The following EDIL3 variants were observed in gnomAD, a reference collection of about 807,000 sequenced individuals.
The protein encoded by EDIL3 is EGF like and discoidin domains 3, also known as EGF-like repeat and discoidin I-like domain-containing protein 3.
A neutral mutation model predicts 67.4 loss-of-function variants in EDIL3; 37 were observed. The observed-to-expected ratio is 0.55, with a 90% CI of 0.42 to 0.72. The LOEUF (loss-of-function observed/expected upper bound fraction) is 0.72, where lower values mean the gene tolerates loss of function less well. Ranked by LOEUF, EDIL3 falls within the 30% of genes least tolerant of loss-of-function variation. The pLI is 0.00. For missense variants in EDIL3, 527 were observed against 586.3 expected (o/e 0.90, Z 1.04); for synonymous variants, 195 against 196.3 (o/e 0.99, Z 0.05).
intron 9 of EDIL3, among the ~76,000 whole-genome samples, chr5:84,058,567 A>G (rs1746489153): frequency 6.6e-6 from 1 of 152,150 alleles, no homozygotes; most frequent in South Asian, 2.1e-4. Flanking sequence ...AATTACCAAT[A>G]CTTGCTAAAT....
At chr5:83,968,919 TC>T (rs1420959523) in intron 9 of EDIL3, among the ~76,000 whole-genome samples, 1 of 151,808 alleles carries the variant, frequency 6.6e-6, no homozygotes, top group Admixed American at 6.6e-5. Flanking sequence ...AGATATATGA[TC>T]TGTAGAAAAA....
chr5:84,128,705 T>A lies in EDIL3; in HGVS notation c.469+8536A>T, dbSNP rs142568047. ...AATATTTTTCAATCATCCACTACAG[T>A]TCTAAATTTTATGAGAACTAAATCA... On this transcript the variant is annotated intron_variant, in intron 5 of 10. Transcript: ENST00000296591. Among the ~76,000 whole-genome samples, 211 of 152,260 alleles carry A rather than the reference T, an allele frequency of 1.4e-3. 1 individual carries two copies. Among genetic ancestry groups the A allele is most frequent in the African/African-American group, 4.7e-3 (194 of 41,564 alleles).
At chr5:84,143,749 A>AAT (rs747570396) in intron 4 of EDIL3, among the ~76,000 whole-genome samples, 91 of 151,166 alleles carry the variant, frequency 6.0e-4, no homozygotes, top group Middle Eastern at 3.4e-3. Flanking sequence ...GATGACTTTA[A>AAT]ATATATATAT....
chr5:84,231,037 G>T (rs951096529), intron 2 of EDIL3, among the ~76,000 whole-genome samples: 2 of 152,084 alleles, frequency 1.3e-5, no homozygotes, highest in East Asian at 3.9e-4. Flanking sequence ...CAAATTCTGG[G>T]CTCCACATAG....
intron 4 of EDIL3, among the ~76,000 whole-genome samples, chr5:84,173,508 C>A (rs1004345445): frequency 6.6e-6 from 1 of 152,216 alleles, no homozygotes; most frequent in South Asian, 2.1e-4. Flanking sequence ...AAGACAGCAG[C>A]GCACCACAAT....
At chr5:84,384,210 T>G in intron 1 of EDIL3, 98 bp downstream of exon 1, 2 of 1,453,024 alleles carry the variant, frequency 1.4e-6, no homozygotes, top group Non-Finnish European at 1.9e-6. Flanking sequence ...TCGCCACCCT[T>G]GGCACGCCGG....
At chr5:84,311,026 T>C (rs975053691) in intron 1 of EDIL3, among the ~76,000 whole-genome samples, 6 of 152,168 alleles carry the variant, frequency 3.9e-5, no homozygotes, top group African/African-American at 1.2e-4. Context: ...ATGAGATTCA[T>C]CAATATCATT....
intron 3 of EDIL3, among the ~76,000 whole-genome samples, chr5:84,210,565 C>T (rs1744099048): frequency 6.6e-6 from 1 of 151,772 alleles, no homozygotes; most frequent in Non-Finnish European, 1.5e-5. Context: ...GTTTTTCTCT[C>T]TCCAGAATTA....
intron 1 of EDIL3, among the ~76,000 whole-genome samples, chr5:84,295,005 A>T (rs1746017716): frequency 6.6e-6 from 1 of 152,174 alleles, no homozygotes; most frequent in Non-Finnish European, 1.5e-5. Context: ...ACATTTCAGC[A>T]AAGTGCAAGT....
intron 2 of EDIL3, among the ~76,000 whole-genome samples, chr5:84,242,210 C>T (rs746690312): frequency 6.0e-5 from 9 of 150,874 alleles, no homozygotes; most frequent in Admixed American, 2.6e-4. Flanking sequence ...CCAGCCTGCG[C>T]GGCAGAGCGA....
chr5:84,336,713 T>C (rs1746994103), intron 1 of EDIL3, among the ~76,000 whole-genome samples: 2 of 152,176 alleles, frequency 1.3e-5, no homozygotes, highest in Non-Finnish European at 2.9e-5. Flanking sequence ...ATATTTAATC[T>C]ACAGTAATAA....
intron 9 of EDIL3, among the ~76,000 whole-genome samples, chr5:84,002,192 T>C (rs1745342660): frequency 6.6e-6 from 1 of 152,128 alleles, no homozygotes; most frequent in Non-Finnish European, 1.5e-5. Flanking sequence ...TATGATTAGT[T>C]CAATTAATGC....
intron 4 of EDIL3, among the ~76,000 whole-genome samples, chr5:84,147,531 A>G (rs972095078): frequency 1.3e-5 from 2 of 151,854 alleles, no homozygotes; most frequent in African/African-American, 4.9e-5. Context: ...AATTAATACC[A>G]CTTTTGAAGA....
At chr5:84,183,192 C>T (rs186861570) in intron 3 of EDIL3, among the ~76,000 whole-genome samples, 4 of 152,136 alleles carry the variant, frequency 2.6e-5, no homozygotes, top group African/African-American at 9.6e-5. Context: ...TTCTCTTTTA[C>T]AGTTTTTTTT....
At chr5:84,012,843 A>G (rs894807712) in intron 9 of EDIL3, among the ~76,000 whole-genome samples, 2 of 151,934 alleles carry the variant, frequency 1.3e-5, no homozygotes, top group African/African-American at 4.8e-5. Flanking sequence ...TTTTTTCCTG[A>G]CTCAAGAAGC....
intron 9 of EDIL3, among the ~76,000 whole-genome samples, chr5:84,055,944 G>C (rs1373302889): frequency 6.6e-6 from 1 of 152,138 alleles, no homozygotes; most frequent in Non-Finnish European, 1.5e-5. Context: ...ATTTGACCCA[G>C]CCATCCCATT....
intron 9 of EDIL3, among the ~76,000 whole-genome samples, chr5:84,002,306 G>A (rs968525083): frequency 7.3e-6 from 1 of 136,318 alleles, no homozygotes; most frequent in African/African-American, 3.2e-5. Context: ...AAAGCCATAC[G>A]TGACACACTC....
chr5:84,100,270 T>A (rs902329038), intron 6 of EDIL3, among the ~76,000 whole-genome samples: 1 of 152,074 alleles, frequency 6.6e-6, no homozygotes, highest in African/African-American at 2.4e-5. Context: ...TAAAGACACA[T>A]GCACATGTGT....
At chr5:84,375,001 C>G (rs1271705570) in intron 1 of EDIL3, among the ~76,000 whole-genome samples, 2 of 147,972 alleles carry the variant, frequency 1.4e-5, no homozygotes, top group Non-Finnish European at 3.0e-5. Context: ...CAGACGGAGT[C>G]TCTCTCTGTC....
Sources: allele counts gnomAD v4.1 joint callset (sites outside exome capture counted in the v4.1 genomes callset), GRCh38; gene constraint gnomAD v4.1.1; transcripts MANE v1.5; gene names NCBI Gene and HGNC (gene_info 2026-07-23, HGNC 2026-07-21).